HPCAL1: variants seen among roughly 807,000 people sequenced by gnomAD.
HPCAL1 encodes the protein hippocalcin like 1, also known as hippocalcin-like protein 1.
Under a neutral mutation model 17.1 loss-of-function variants are expected in HPCAL1, and 8 were observed. The ratio of observed to expected loss-of-function variants is 0.47; its 90% CI spans 0.27 to 0.84. The LOEUF (loss-of-function observed/expected upper bound fraction) is 0.84. HPCAL1 is among the 40% of genes least tolerant of loss of function. The pLI is 0.13. For synonymous variants in HPCAL1, 112 were observed against 111.4 expected (o/e 1.01, Z -0.03); for missense variants, 165 against 271.1 (o/e 0.61, Z 2.75).
intron 4 of HPCAL1, chr2:10,424,434 T>C (rs756908558): frequency 3.7e-5 from 17 of 462,374 alleles, no homozygotes; most frequent in Admixed American, 1.2e-4. Context: ...TCCGGTCCCA[T>C]GGGGTTGTGA....
At chr2:10,378,361 T>C (rs1667721000) in intron 1 of HPCAL1, among the ~76,000 whole-genome samples, 1 of 150,886 alleles carries the variant, frequency 6.6e-6, no homozygotes, top group South Asian at 2.1e-4. Context: ...CCTGTCCCGA[T>C]AAAGGAGGGT....
In HPCAL1 at chr2:10,420,155, C is replaced by G. The variant is rs201366947; in HGVS notation, c.378+20C>G. ...GTGCAGGTACCGGCGCCCGAGGCCC[C>G]GGGTCTCACCGCGGGCCCAGGTCCC... is the stretch of plus-strand genomic sequence containing the variant. On this transcript the variant is annotated intron_variant, in intron 3 of 4. Transcript: ENST00000307845. 46 of 1,584,960 alleles carry G rather than the reference C, an allele frequency of 2.9e-5. No homozygotes were observed. The highest frequency in any genetic ancestry group is 3.4e-5 in the Non-Finnish European group (40 of 1,162,832).
At chr2:10,423,285 G>T (rs1419763916) in intron 4 of HPCAL1, 197 bp downstream of exon 4, 2 of 590,280 alleles carry the variant, frequency 3.4e-6, no homozygotes, top group East Asian at 5.8e-5. Flanking sequence ...TGGCTCCTCT[G>T]TGCAGCTTTG....
In HPCAL1 at chr2:10,420,209, CTTTT is replaced by C. The variant is rs369044166; in HGVS notation, c.378+93_378+96del. ...CCAGCTCCCAGCCCCCAGCCCAGGG[CTTTT>C]TTTTTTTTTTTTTTTTTTAAGACAG... On this transcript the variant is annotated intron_variant, in intron 3 of 4. Coordinates refer to ENST00000307845, the MANE Select transcript of HPCAL1 (RefSeq NM_002149.4). 1.8e-3 allele frequency: 1,005 copies of C among 570,092 alleles called. 2 individuals carry two copies. Among genetic ancestry groups the C allele is most frequent in the African/African-American group, 5.0e-3 (164 of 32,684 alleles). 35.3% of individuals were successfully genotyped at this position (570,092 alleles called of 1,614,324 possible). A position where few individuals can be genotyped will look rare whatever the true frequency, so the allele number is the denominator to read the frequency against.
chr2:10,365,963 A>G lies in HPCAL1; in HGVS notation c.-110-30872A>G, dbSNP rs1572727197. Among the ~76,000 whole-genome samples the G allele has an allele frequency of 6.6e-6, 1 of 151,768 alleles. No individual in the cohort carries two copies. Among genetic ancestry groups the G allele is most frequent in the Admixed American group, 6.6e-5 (1 of 15,248 alleles). ...ATGCACGCCTCATGAGGAGACGCTC[A>G]CTCCCCCAGACACACTGAGTACTCT... On this transcript the variant is annotated intron_variant, in intron 1 of 4. Coordinates refer to ENST00000307845, the MANE Select transcript of HPCAL1 (RefSeq NM_002149.4). The surrounding 1 kb of genome is among the most constrained non-coding windows in gnomAD (Gnocchi z 4.8).
intron 1 of HPCAL1, among the ~76,000 whole-genome samples, chr2:10,350,125 A>C (rs1176646813): frequency 1.3e-5 from 2 of 152,168 alleles, no homozygotes; most frequent in African/African-American, 4.8e-5. Context: ...TGGTAATTAC[A>C]TAAGTACTAC....
At chr2:10,406,021 G>A (rs1463362317) in intron 2 of HPCAL1, among the ~76,000 whole-genome samples, 4 of 152,202 alleles carry the variant, frequency 2.6e-5, no homozygotes, top group African/African-American at 4.8e-5. Flanking sequence ...TTACCGGGTA[G>A]TGGGGAGGTG....
chr2:10,357,537 G>A (rs755228519), intron 1 of HPCAL1, among the ~76,000 whole-genome samples: 1 of 152,140 alleles, frequency 6.6e-6, no homozygotes, highest in African/African-American at 2.4e-5. Flanking sequence ...TTAGATCGTC[G>A]CCTGTGACAG....
rs1662912323 is a variant in HPCAL1, at chr2:10,310,863, T to TAACAGAC, written c.-111+7686_-111+7687insAACAGAC. 6.6e-6 allele frequency among the ~76,000 whole-genome samples: 1 copy of TAACAGAC among 152,228 alleles called. No individual in the cohort carries two copies. The highest frequency in any genetic ancestry group is 6.5e-5 in the Admixed American group (1 of 15,288). The stretch of plus-strand genomic sequence containing the variant: ...AATGCTCAGCTCTCTGCCTTCTTTC[T>TAACAGAC]GTGCATTTAACAGACGTTTCCAGAA... On this transcript the variant is annotated intron_variant, in intron 1 of 4. Coordinates refer to ENST00000307845, the MANE Select transcript of HPCAL1 (RefSeq NM_002149.4). This position sits in a 1 kb window ranked among gnomAD's most constrained non-coding sequence, Gnocchi z 4.5.
At chr2:10,360,483 T>C (rs1487180521) in intron 1 of HPCAL1, among the ~76,000 whole-genome samples, 1 of 152,056 alleles carries the variant, frequency 6.6e-6, no homozygotes, top group Non-Finnish European at 1.5e-5. Flanking sequence ...ACGATCTCTG[T>C]TCACTGTAAC....
intron 1 of HPCAL1, among the ~76,000 whole-genome samples, chr2:10,387,770 C>T (rs1353419983): frequency 6.6e-6 from 1 of 152,168 alleles, no homozygotes; most frequent in Non-Finnish European, 1.5e-5. Context: ...GATGACAGCA[C>T]CTGGAGTGTT....
At chr2:10,347,261 C>A (rs1408847887) in intron 1 of HPCAL1, among the ~76,000 whole-genome samples, 4 of 152,072 alleles carry the variant, frequency 2.6e-5, no homozygotes. Flanking sequence ...CACCCAGCCC[C>A]CGGCCCACCC....
rs928798157 is a variant in HPCAL1, at chr2:10,343,979, G to C, written c.-111+40802G>C. 6.6e-6 allele frequency among the ~76,000 whole-genome samples: 1 copy of C among 152,192 alleles called. No individual in the cohort carries two copies. The highest frequency in any genetic ancestry group is 1.5e-5 in the Non-Finnish European group (1 of 68,036). On this transcript the variant is annotated intron_variant, in intron 1 of 4. Transcript: ENST00000307845. This position sits in a 1 kb window ranked among gnomAD's most constrained non-coding sequence, Gnocchi z 4.8. ...TATAGAGAACGCTGGCTTCAGACCCGGCAGGAGTACCGGCGGCTGTGTGGT... is the reference window on the plus strand; with the variant it reads ...TATAGAGAACGCTGGCTTCAGACCCCGCAGGAGTACCGGCGGCTGTGTGGT...
At chr2:10,409,777 CTTTTTTTTTTTT>C (rs34031495) in intron 2 of HPCAL1, among the ~76,000 whole-genome samples, 35 of 62,526 alleles carry the variant, frequency 5.6e-4, no homozygotes, top group Non-Finnish European at 8.2e-4. Context: ...GAGCCTCAGT[CTTTTTTTTTTTT>C]TTTTTTTTTT....
chr2:10,381,628 A>AC (rs5829261), intron 1 of HPCAL1, among the ~76,000 whole-genome samples: 95,645 of 151,960 alleles, frequency 0.63, 31,471 homozygotes, highest in East Asian at 0.81. Flanking sequence ...CCCTGATGGC[A>AC]ATTTTGAGAC....
At position 10,344,915 on chromosome 2, in the gene HPCAL1, G is replaced by GTC. The variant is rs1383329417; in HGVS notation, c.-111+41748_-111+41749dup. Among the ~76,000 whole-genome samples the GTC allele has an allele frequency of 6.7e-6, 1 of 149,330 alleles. No individual in the cohort carries two copies. Among genetic ancestry groups the GTC allele is most frequent in the East Asian group, 2.0e-4 (1 of 5,098 alleles). ...TGTCCGTTTCTCTTTCTCTCTGTGT[G>GTC]TCTCTCTCTCTGTGCCTTTCAGTCT... On this transcript the variant is annotated intron_variant, in intron 1 of 4. Transcript: ENST00000307845. The surrounding 1 kb of genome is among the most constrained non-coding windows in gnomAD (Gnocchi z 4.9).
intron 2 of HPCAL1, among the ~76,000 whole-genome samples, chr2:10,408,957 C>T (rs1670152566): frequency 6.6e-6 from 1 of 151,986 alleles, no homozygotes; most frequent in Admixed American, 6.6e-5. Flanking sequence ...TTTCTATAGC[C>T]GCATTGAAAA....
chr2:10,335,607 C>T (rs981902878), intron 1 of HPCAL1, among the ~76,000 whole-genome samples: 3 of 152,172 alleles, frequency 2.0e-5, no homozygotes, highest in Admixed American at 2.0e-4. Flanking sequence ...TACGAGCACA[C>T]CCTGAGAATT....
chr2:10,382,686 G>A (rs758357859), intron 1 of HPCAL1, among the ~76,000 whole-genome samples: 5 of 151,788 alleles, frequency 3.3e-5, no homozygotes, highest in Non-Finnish European at 7.4e-5. Flanking sequence ...GTAGAGGCAG[G>A]AACCAAACAG....
Sources: allele counts gnomAD v4.1 joint callset (sites outside exome capture counted in the v4.1 genomes callset), GRCh38; gene constraint gnomAD v4.1.1; non-coding constraint Gnocchi (gnomAD v3.1); transcripts MANE v1.5; gene names NCBI Gene and HGNC (gene_info 2026-07-23, HGNC 2026-07-21).